Variants in CSMD3 observed in about 807,000 individuals in gnomAD.
The protein encoded by CSMD3 is CUB and sushi domain-containing protein 3.
Under a neutral mutation model 435.2 loss-of-function variants are expected in CSMD3, and 177 were observed. The ratio of observed to expected loss-of-function variants is 0.41; its 90% CI spans 0.36 to 0.46. The LOEUF (loss-of-function observed/expected upper bound fraction) is 0.46, where lower values mean the gene tolerates loss of function less well. Among genes scored for constraint, CSMD3 ranks in the 20% least tolerant of loss-of-function variants. The pLI is 0.34. For synonymous variants in CSMD3, 1,656 were observed against 1,520.5 expected (o/e 1.09, Z -2.07); for missense variants, 4,265 against 4,504.6 (o/e 0.95, Z 1.52).
At chr8:112,802,126 A>T (rs2078975290) in intron 12 of CSMD3, among the ~76,000 whole-genome samples, 1 of 151,708 alleles carries the variant, frequency 6.6e-6, no homozygotes, top group South Asian at 2.1e-4. Flanking sequence ...ATAATAAAAT[A>T]TATATATTTT....
rs1564374435 is a variant in CSMD3, at chr8:113,156,760, A to AAATAAATAAT, written c.709+16961_709+16962insATTATTTATT. On this transcript the variant is annotated intron_variant, in intron 4 of 70. Coordinates refer to ENST00000297405, the MANE Select transcript of CSMD3 (RefSeq NM_198123.2). ...AATAAATAAATAAATAAATAAATAA[A>AAATAAATAAT]TAAATAAATAAATAAATAAAGTTAG... Among the ~76,000 whole-genome samples the AAATAAATAAT allele has an allele frequency of 3.5e-5, 3 of 85,934 alleles. No homozygotes were observed. The East Asian group carries it at 4.2e-3, about 121-fold the overall frequency. 56.4% of individuals were successfully genotyped at this position (85,934 alleles called of 152,430 possible).
intron 45 of CSMD3, among the ~76,000 whole-genome samples, chr8:112,327,742 T>C (rs918151946): frequency 6.6e-6 from 1 of 152,216 alleles, no homozygotes; most frequent in African/African-American, 2.4e-5. Context: ...CATGTCTGTA[T>C]CTTCTGAGGA....
chr8:112,234,516 TAA>T (rs1292105428), intron 67 of CSMD3, 39 bp from the exon 68 acceptor site: 1 of 1,021,276 alleles, frequency 9.8e-7, no homozygotes, highest in Non-Finnish European at 1.6e-6. Flanking sequence ...CTTAACTTTG[TAA>T]ATAGTTATAC....
intron 13 of CSMD3, among the ~76,000 whole-genome samples, chr8:112,754,603 C>T (rs1046332511): frequency 6.6e-6 from 1 of 152,196 alleles, no homozygotes; most frequent in African/African-American, 2.4e-5. Context: ...GAGCAGGAAA[C>T]GTGATGGTCA....
chr8:112,528,642 A>C (rs932687485), intron 27 of CSMD3, among the ~76,000 whole-genome samples: 1 of 152,164 alleles, frequency 6.6e-6, no homozygotes, highest in Non-Finnish European at 1.5e-5. Context: ...GGAACAAATC[A>C]TCGACAAATT....
chr8:113,153,076 A>AAAAG lies in CSMD3; in HGVS notation c.709+20642_709+20645dup, dbSNP rs757748243. Among the ~76,000 whole-genome samples the AAAAG allele has an allele frequency of 9.4e-3, 838 of 89,074 alleles. 14 individuals are homozygous for AAAAG. Among genetic ancestry groups the AAAAG allele is most frequent in the African/African-American group, 0.032 (575 of 17,702 alleles). The allele number at this position is 89,074 out of a possible 152,430, so 58.4% of individuals were successfully genotyped here. On this transcript the variant is annotated intron_variant, in intron 4 of 70. Transcript: ENST00000297405. Reference sequence around the variant, plus strand: ...AGAGAGAAAAAAGAAAAAAGAAAGAAAAAGAAAGAAAGAAAGAAAGAAAGA... The same window carrying AAAAG: ...AGAGAGAAAAAAGAAAAAAGAAAGAAAAAGAAAGAAAGAAAGAAAGAAAGAAAGA...
At chr8:113,051,286 A>G (rs571289859) in intron 5 of CSMD3, among the ~76,000 whole-genome samples, 1 of 152,212 alleles carries the variant, frequency 6.6e-6, no homozygotes, top group East Asian at 1.9e-4. Context: ...GTCTGGATAG[A>G]TAAATGATTG....
At chr8:112,660,599 T>C (rs1408076731) in intron 17 of CSMD3, among the ~76,000 whole-genome samples, 1 of 152,032 alleles carries the variant, frequency 6.6e-6, no homozygotes, top group South Asian at 2.1e-4. Flanking sequence ...AATAATCTTA[T>C]AGGATTTGGG....
intron 10 of CSMD3, among the ~76,000 whole-genome samples, chr8:112,873,860 C>T (rs2081203870): frequency 6.6e-6 from 1 of 152,068 alleles, no homozygotes; most frequent in African/African-American, 2.4e-5. Flanking sequence ...ATAAAACCAG[C>T]TCCTGGATTC....
At chr8:112,976,374 A>G (rs1442623338) in intron 6 of CSMD3, among the ~76,000 whole-genome samples, 1 of 152,130 alleles carries the variant, frequency 6.6e-6, no homozygotes, top group Non-Finnish European at 1.5e-5. Flanking sequence ...CCACATTTTA[A>G]CTGTAATACA....
chr8:112,849,206 T>G (rs2080414687), intron 11 of CSMD3, among the ~76,000 whole-genome samples: 1 of 152,094 alleles, frequency 6.6e-6, no homozygotes, highest in Non-Finnish European at 1.5e-5. Flanking sequence ...GCCCAGTTAA[T>G]TTAATCTTTC....
At chr8:112,794,408 C>T (rs1009011593) in intron 13 of CSMD3, among the ~76,000 whole-genome samples, 2 of 150,580 alleles carry the variant, frequency 1.3e-5, no homozygotes, top group Non-Finnish European at 2.9e-5. Context: ...AATTCTTCTG[C>T]CTCAGCCTCT....
At chr8:112,720,367 A>G (rs2076831291) in intron 13 of CSMD3, among the ~76,000 whole-genome samples, 1 of 151,938 alleles carries the variant, frequency 6.6e-6, no homozygotes, top group Non-Finnish European at 1.5e-5. Flanking sequence ...GACTGACACA[A>G]CAGGTTAGGG....
chr8:112,448,738 T>C (rs1471124892), intron 32 of CSMD3, among the ~76,000 whole-genome samples: 1 of 147,150 alleles, frequency 6.8e-6, no homozygotes, highest in Non-Finnish European at 1.5e-5. Context: ...GTCAAATACT[T>C]TGGGAGTACA....
chr8:113,427,092 A>G (rs2094640052), intron 1 of CSMD3, among the ~76,000 whole-genome samples: 1 of 151,476 alleles, frequency 6.6e-6, no homozygotes, highest in Non-Finnish European at 1.5e-5. Flanking sequence ...AACAACAAAT[A>G]AAGCTTTAAT....
chr8:113,278,738 A>T, intron 2 of CSMD3, 34 bp from the exon 3 acceptor site: 1 of 973,942 alleles, frequency 1.0e-6, no homozygotes. Flanking sequence ...TTAGAGACAT[A>T]ATCATTTTAT....
intron 22 of CSMD3, among the ~76,000 whole-genome samples, chr8:112,635,966 T>A (rs2074644999): frequency 1.3e-5 from 2 of 152,130 alleles, no homozygotes; most frequent in East Asian, 1.9e-4. Flanking sequence ...ATTAATCAAA[T>A]TAAGTGCTTG....
intron 31 of CSMD3, among the ~76,000 whole-genome samples, chr8:112,489,713 T>G (rs1820498098): frequency 6.6e-6 from 1 of 152,186 alleles, no homozygotes; most frequent in African/African-American, 2.4e-5. Flanking sequence ...TTGTTTAGTA[T>G]TAAAGATATC....
Position 112,406,811 on chromosome 8 carries a change from G to A in CSMD3, c.5606-84C>T, listed in dbSNP as rs1586220256. The A allele has an allele frequency of 5.1e-6, 4 of 789,622 alleles. 1 individual carries two copies. The Admixed American group carries it at 1.0e-4, about 21-fold the overall frequency. The allele number at this position is 789,622 out of a possible 1,614,324, so 48.9% of individuals were successfully genotyped here. On this transcript the variant is annotated intron_variant, in intron 34 of 70. Transcript: ENST00000297405. ...AATGTAACTGTTTAAACACATTTTTGAGAAATCATCACTTTTTATCAGAAC... is the reference window on the plus strand; with the variant it reads ...AATGTAACTGTTTAAACACATTTTTAAGAAATCATCACTTTTTATCAGAAC...
Sources: gnomAD v4.1 joint callset for allele counts (sites outside exome capture counted in the v4.1 genomes callset) on GRCh38, gnomAD v4.1.1 for gene constraint, MANE v1.5 for transcripts, NCBI Gene and HGNC (gene_info 2026-07-23, HGNC 2026-07-21) for gene names.